SMAD5: variants seen among roughly 807,000 people sequenced by gnomAD.
SMAD5 encodes SMAD family member 5, also known as MAD, mothers against decapentaplegic homolog 5.
In SMAD5, 9 loss-of-function variants were observed where a neutral mutation model predicts 43.1. That is an observed-to-expected ratio of 0.21 (90% CI 0.13 to 0.36). The LOEUF is 0.36. SMAD5 is among the 10% of genes least tolerant of loss of function. The pLI, the probability that SMAD5 is intolerant of heterozygous loss-of-function variation, is 1.00. For missense variants in SMAD5, 348 were observed against 574.0 expected, an observed-to-expected ratio of 0.61 and a Z score of 4.02; for synonymous variants, 190 against 192.4, an observed-to-expected ratio of 0.99 and a Z score of 0.10.
intron 1 of SMAD5, among the ~76,000 whole-genome samples, chr5:136,143,484 G>T (rs559934870): frequency 5.3e-4 from 81 of 152,078 alleles, no homozygotes; most frequent in African/African-American, 1.9e-3. Flanking sequence ...TGACTCCTTA[G>T]CCTTGTATTC....
intron 2 of SMAD5, among the ~76,000 whole-genome samples, chr5:136,151,323 G>A (rs986712825): frequency 2.0e-5 from 3 of 152,000 alleles, no homozygotes; most frequent in African/African-American, 7.3e-5. Flanking sequence ...TTGTGAGAAT[G>A]GGCTGTCATG....
intron 2 of SMAD5, among the ~76,000 whole-genome samples, chr5:136,149,925 A>C (rs1248623340): frequency 3.3e-5 from 5 of 151,852 alleles, no homozygotes; most frequent in African/African-American, 1.2e-4. Flanking sequence ...TTTTGAAACC[A>C]ATCTCTTGAA....
In SMAD5 at chr5:136,154,012, A is replaced by G; in HGVS notation, c.252A>G (p.Leu84=). The stretch of plus-strand genomic sequence containing the variant: ...TGCAGGTTTCTCACAGAAAAGGCTT[A>G]CCCCATGTTATATATTGTCGTGTTT... The part of the protein sequence containing the change: ...GRLQVSHRKG[L]PHVIYCRVWR... Residue 84 remains leucine (L), a synonymous_variant, in exon 3 of 8, where the codon TTA becomes TTG. Transcript: ENST00000545279. The G allele has an allele frequency of 6.2e-7, 1 of 1,610,212 alleles. No homozygotes were observed. The highest frequency in any genetic ancestry group is 8.5e-7 in the Non-Finnish European group (1 of 1,178,782).
At chr5:136,144,425 C>T (rs1016679045) in intron 1 of SMAD5, among the ~76,000 whole-genome samples, 1 of 151,872 alleles carries the variant, frequency 6.6e-6, no homozygotes, top group African/African-American at 2.4e-5. Flanking sequence ...TGTCTTCTAT[C>T]CCTGATTATG....
intron 7 of SMAD5, 50 bp downstream of exon 7, chr5:136,174,682 A>G (rs746601932): frequency 3.7e-6 from 5 of 1,339,906 alleles, no homozygotes; most frequent in Admixed American, 3.8e-5. Context: ...TGTGTATATT[A>G]TGACTTTAGG....
chr5:136,165,699 TGTGACTG>T (rs1753984087), intron 5 of SMAD5, among the ~76,000 whole-genome samples: 1 of 115,432 alleles, frequency 8.7e-6, no homozygotes, highest in Non-Finnish European at 1.8e-5. Context: ...TTTTTTTTTT[TGTGACTG>T]GCTTATTTTT....
rs1478678987 is a variant in SMAD5, at chr5:136,161,042, C to T, written c.590C>T (p.Pro197Leu). 1.2e-6 allele frequency: 2 copies of T among 1,613,726 alleles called. No homozygotes were observed. Among genetic ancestry groups the T allele is most frequent in the Non-Finnish European group, 1.7e-6 (2 of 1,179,844 alleles). Residue 197 changes from proline to leucine, a missense_variant, in exon 4 of 8, where the codon CCT becomes CTT. Coordinates refer to ENST00000545279, the MANE Select transcript of SMAD5 (RefSeq NM_005903.7). Reference protein sequence around the residue: ...LSPNSPYPPSPASSTYPNSPA... With the variant: ...LSPNSPYPPSLASSTYPNSPA... ...CCAAACAGCCCTTATCCCCCTTCTCCTGCTAGCAGCACATATCCCAACTCC... is the reference window on the plus strand; with the variant it reads ...CCAAACAGCCCTTATCCCCCTTCTCTTGCTAGCAGCACATATCCCAACTCC...
chr5:136,170,274 G>A (rs902062062), intron 5 of SMAD5, among the ~76,000 whole-genome samples: 11 of 152,092 alleles, frequency 7.2e-5, no homozygotes, highest in Admixed American at 6.5e-4. Flanking sequence ...AGAGTGTAAG[G>A]TCTAGTCTAG....
intron 1 of SMAD5, among the ~76,000 whole-genome samples, chr5:136,140,506 A>G (rs920351366): frequency 1.1e-4 from 17 of 152,230 alleles, no homozygotes; most frequent in East Asian, 7.7e-4. Flanking sequence ...TCTTCATGCC[A>G]GAAGCATGCC....
At chr5:136,146,911 C>G (rs1225887043) in intron 1 of SMAD5, among the ~76,000 whole-genome samples, 6 of 151,524 alleles carry the variant, frequency 4.0e-5, no homozygotes, top group South Asian at 2.1e-4. Flanking sequence ...GAGGGAAGAG[C>G]AAATGCTTGT....
chr5:136,154,981 C>T (rs1753587019), intron 3 of SMAD5, among the ~76,000 whole-genome samples: 1 of 152,174 alleles, frequency 6.6e-6, no homozygotes, highest in Non-Finnish European at 1.5e-5. Context: ...CCTGTTTTCA[C>T]AGGAGTCAGT....
intron 1 of SMAD5, among the ~76,000 whole-genome samples, chr5:136,143,010 A>G (rs1026711797): frequency 6.6e-6 from 1 of 152,134 alleles, no homozygotes; most frequent in Non-Finnish European, 1.5e-5. Context: ...CCTCTGTCTA[A>G]TATCACAATT....
At chr5:136,165,112 AT>A (rs1049385417) in intron 5 of SMAD5, among the ~76,000 whole-genome samples, 3 of 151,736 alleles carry the variant, frequency 2.0e-5, no homozygotes, top group African/African-American at 4.8e-5. Context: ...TTTTCCCCCT[AT>A]TTTTTTGTTG....
intron 2 of SMAD5, chr5:136,152,586 C>G (rs911334865): frequency 6.6e-6 from 1 of 152,136 alleles, no homozygotes; most frequent in Non-Finnish European, 1.5e-5. Context: ...AAACGTTATT[C>G]TTGTTACTTT....
chr5:136,148,610 T>G (rs1297843559), intron 2 of SMAD5, among the ~76,000 whole-genome samples: 1 of 151,878 alleles, frequency 6.6e-6, no homozygotes, highest in Non-Finnish European at 1.5e-5. Context: ...TCAATGCTTA[T>G]GCTGCTTGCT....
chr5:136,136,250 T>C (rs953936987), intron 1 of SMAD5, among the ~76,000 whole-genome samples: 5 of 152,190 alleles, frequency 3.3e-5, no homozygotes, highest in Non-Finnish European at 5.9e-5. Flanking sequence ...CAATCTTGGC[T>C]CACTGCAACC....
rs1012478717 is a variant in SMAD5, at chr5:136,181,018, CA to C, written c.*3544del. Reference sequence around the variant, plus strand: ...ATTTTGTTGGAAGAGAATGTTTATACAAAAAATGAAATTCTTCCAACAGCAG... The same window carrying C: ...ATTTTGTTGGAAGAGAATGTTTATACAAAAATGAAATTCTTCCAACAGCAG... On this transcript the variant is annotated 3_prime_UTR_variant, in exon 8 of 8. Transcript: ENST00000545279. 1 of 151,992 alleles carries C rather than the reference CA, an allele frequency of 6.6e-6. No homozygotes were observed. The highest frequency in any genetic ancestry group is 2.4e-5 in the African/African-American group (1 of 41,406). 9.4% of individuals were successfully genotyped at this position (151,992 alleles called of 1,614,324 possible). A position where few individuals can be genotyped will look rare whatever the true frequency, so the allele number is the denominator to read the frequency against.
At position 136,132,971 on chromosome 5, in the gene SMAD5, G is replaced by A. The variant is rs1752723124; in HGVS notation, c.-245+9G>A. On this transcript the variant is annotated intron_variant, in intron 1 of 7. Coordinates refer to ENST00000545279, the MANE Select transcript of SMAD5 (RefSeq NM_005903.7). Reference sequence around the variant, plus strand: ...GCCTAGCCGGCTCGCGAGTGAGTGAGGGTCCCCGGCGCGCGCGGGCGAGGG... The same window carrying A: ...GCCTAGCCGGCTCGCGAGTGAGTGAAGGTCCCCGGCGCGCGCGGGCGAGGG... The A allele has an allele frequency of 6.6e-6, 1 of 152,280 alleles. No homozygotes were observed. The highest frequency in any genetic ancestry group is 1.5e-5 in the Non-Finnish European group (1 of 68,112). 9.4% of individuals were successfully genotyped at this position (152,280 alleles called of 1,614,324 possible).
At chr5:136,177,295 G>C in intron 7 of SMAD5, 42 bp from the exon 8 acceptor site, 1 of 1,603,476 alleles carries the variant, frequency 6.2e-7, no homozygotes, top group African/African-American at 1.3e-5. Flanking sequence ...GTGGTTGACA[G>C]TTTAAAGAGG....
Sources: gnomAD v4.1 joint callset for allele counts (sites outside exome capture counted in the v4.1 genomes callset) on GRCh38, gnomAD v4.1.1 for gene constraint, MANE v1.5 for transcripts, NCBI Gene and HGNC (gene_info 2026-07-23, HGNC 2026-07-21) for gene names.